The following DPP6 variants were observed in gnomAD, a reference collection of about 807,000 sequenced individuals.
DPP6 encodes the protein dipeptidyl peptidase like 6.
A neutral mutation model predicts 122.6 loss-of-function variants in DPP6; 69 were observed. The ratio of observed to expected loss-of-function variants is 0.56; its 90% CI spans 0.46 to 0.69. The LOEUF is 0.69. Among genes scored for constraint, DPP6 ranks in the 30% least tolerant of loss-of-function variants. The pLI, the probability that DPP6 is intolerant of heterozygous loss-of-function variation, is 0.00. For synonymous variants in DPP6, 418 were observed against 433.1 expected (o/e 0.97, Z 0.43); for missense variants, 928 against 1,116.9 (o/e 0.83, Z 2.41).
chr7:154,493,209 A>G (rs946917607), intron 3 of DPP6, among the ~76,000 whole-genome samples: 2 of 152,208 alleles, frequency 1.3e-5, no homozygotes, highest in African/African-American at 4.8e-5. Flanking sequence ...TTATGCTTCA[A>G]TAACTTCGTT....
intron 1 of DPP6, among the ~76,000 whole-genome samples, chr7:154,365,674 C>G (rs552632605): frequency 6.6e-6 from 1 of 150,756 alleles, no homozygotes; most frequent in African/African-American, 2.4e-5. Context: ...GGGAAGGGGG[C>G]CAGGCGCGGT....
Position 154,541,068 on chromosome 7 carries a change from A to T in DPP6, c.552+442A>T, listed in dbSNP as rs532714739. ...ATATTAAGTGGATGCTTATGCCTCAAAGTAAATACTGAGTCAATATGAATG... is the reference window on the plus strand; with the variant it reads ...ATATTAAGTGGATGCTTATGCCTCATAGTAAATACTGAGTCAATATGAATG... On this transcript the variant is annotated intron_variant, in intron 4 of 25. Transcript: ENST00000377770. 2.0e-5 allele frequency among the ~76,000 whole-genome samples: 3 copies of T among 152,336 alleles called. No homozygotes were observed. The East Asian group carries it at 5.8e-4, about 29-fold the overall frequency.
the DPP6 span, among the ~76,000 whole-genome samples, chr7:153,772,420 A>C: frequency 2.6e-5 from 4 of 152,196 alleles, no homozygotes; most frequent in African/African-American, 7.2e-5. Flanking sequence ...ATGTTGATTA[A>C]TTAATAATGC....
At chr7:154,536,869 AG>A in intron 3 of DPP6, among the ~76,000 whole-genome samples, 1 of 152,338 alleles carries the variant, frequency 6.6e-6, no homozygotes, top group South Asian at 2.1e-4. Flanking sequence ...TGCAACAAAT[AG>A]TTGCAGATAT....
In DPP6 at chr7:154,378,018, A is replaced by G. The variant is rs539210109; in HGVS notation, c.244-68196A>G. Among the ~76,000 whole-genome samples, 8 of 152,276 alleles carry G rather than the reference A, an allele frequency of 5.3e-5. No individual in the cohort carries two copies. In the South Asian group the frequency reaches 8.3e-4, roughly 16 times the overall value. On this transcript the variant is annotated intron_variant, in intron 1 of 25. Transcript: ENST00000377770. The stretch of plus-strand genomic sequence containing the variant: ...AGGGACTGTCTCTTCTGGACATAAT[A>G]GAAGTGTGTCCTGTGTCCATAATTG...
intron 1 of DPP6, among the ~76,000 whole-genome samples, chr7:154,079,348 A>AG (rs372076353): frequency 0.21 from 32,022 of 151,998 alleles, 3,989 homozygotes; most frequent in Admixed American, 0.28. Context: ...TTTGTAAAAA[A>AG]AGACACATCA....
At chr7:154,764,125 G>C (rs898649355) in intron 8 of DPP6, among the ~76,000 whole-genome samples, 3 of 152,090 alleles carry the variant, frequency 2.0e-5, no homozygotes, top group African/African-American at 7.2e-5. Flanking sequence ...AGCATTGCTG[G>C]GATACAGAGG....
chr7:154,777,413 T>A (rs1796649648), intron 10 of DPP6, among the ~76,000 whole-genome samples: 1 of 152,162 alleles, frequency 6.6e-6, no homozygotes, highest in African/African-American at 2.4e-5. Context: ...CAGCCTTCCT[T>A]GGGCTAATGC....
chr7:153,818,353 G>A, the DPP6 span, among the ~76,000 whole-genome samples: 1 of 152,072 alleles, frequency 6.6e-6, no homozygotes, highest in Non-Finnish European at 1.5e-5. Flanking sequence ...GCCAGCACTA[G>A]ATATAGAATT....
intron 8 of DPP6, among the ~76,000 whole-genome samples, chr7:154,731,173 C>A (rs1842322939): frequency 6.6e-6 from 1 of 151,782 alleles, no homozygotes; most frequent in South Asian, 2.1e-4. Context: ...GTTTCAATTC[C>A]AAACACTTCC....
At chr7:154,680,991 A>C (rs565926743) in intron 7 of DPP6, among the ~76,000 whole-genome samples, 2 of 152,368 alleles carry the variant, frequency 1.3e-5, no homozygotes, top group Admixed American at 1.3e-4. Flanking sequence ...TTAATATCTA[A>C]AAATTATTTT....
At chr7:154,049,598 A>T (rs1800193211), upstream of DPP6, among the ~76,000 whole-genome samples, 1 of 142,938 alleles carries the variant, frequency 7.0e-6, no homozygotes, top group Non-Finnish European at 1.6e-5. Flanking sequence ...TTATTTATTT[A>T]TTTATTTAGA....
intron 1 of DPP6, among the ~76,000 whole-genome samples, chr7:154,255,611 G>A (rs1388535250): frequency 2.0e-5 from 3 of 152,180 alleles, no homozygotes; most frequent in Non-Finnish European, 4.4e-5. Flanking sequence ...CTGCCCTGTG[G>A]GAAGAGCATA....
intron 7 of DPP6, among the ~76,000 whole-genome samples, chr7:154,675,497 C>T (rs762901557): frequency 2.0e-5 from 3 of 152,282 alleles, no homozygotes; most frequent in Non-Finnish European, 4.4e-5. Flanking sequence ...ATGTGGCCAG[C>T]GATTGCCATG....
At chr7:153,795,057 C>A in the DPP6 span, among the ~76,000 whole-genome samples, 2 of 152,148 alleles carry the variant, frequency 1.3e-5, no homozygotes, top group Non-Finnish European at 2.9e-5. Flanking sequence ...GGAAGAGACT[C>A]AAGCAGGCAC....
chr7:153,897,113 A>G (rs1438551171), intron 1 of DPP6, among the ~76,000 whole-genome samples: 3 of 152,236 alleles, frequency 2.0e-5, no homozygotes, highest in Non-Finnish European at 4.4e-5. Context: ...ATGTTAGAAC[A>G]ACCCATTGTG....
At chr7:154,082,465 C>A (rs1259363762) in intron 1 of DPP6, among the ~76,000 whole-genome samples, 6 of 151,872 alleles carry the variant, frequency 4.0e-5, no homozygotes, top group Non-Finnish European at 8.8e-5. Flanking sequence ...GAGTCAAATC[C>A]CAGTTATTGC....
chr7:153,874,252 G>GCGCA, the DPP6 span, among the ~76,000 whole-genome samples: 7 of 150,200 alleles, frequency 4.7e-5, 1 homozygote, highest in Admixed American at 4.6e-4. Flanking sequence ...GTGCGCACAT[G>GCGCA]CACACACACA....
chr7:154,534,846 A>G (rs1828109050), intron 3 of DPP6, among the ~76,000 whole-genome samples: 1 of 152,142 alleles, frequency 6.6e-6, no homozygotes, highest in African/African-American at 2.4e-5. Flanking sequence ...TACTTGTTTG[A>G]TGAAATCAAC....
Sources: gnomAD v4.1 joint callset for allele counts (sites outside exome capture counted in the v4.1 genomes callset) on GRCh38, gnomAD v4.1.1 for gene constraint, MANE v1.5 for transcripts, NCBI Gene and HGNC (gene_info 2026-07-23, HGNC 2026-07-21) for gene names.